Variants in PPARGC1A observed in about 807,000 individuals in gnomAD.
PPARGC1A encodes peroxisome proliferator-activated receptor gamma coactivator 1-alpha.
A neutral mutation model predicts 88.7 loss-of-function variants in PPARGC1A; 25 were observed. That is an observed-to-expected ratio of 0.28 (90% CI 0.21 to 0.39). PPARGC1A has a LOEUF of 0.39. PPARGC1A is among the 10% of genes least tolerant of loss of function. The pLI, the probability that PPARGC1A is intolerant of heterozygous loss-of-function variation, is 1.00. For synonymous variants in PPARGC1A, 363 were observed against 355.6 expected (o/e 1.02, Z -0.24); for missense variants, 880 against 968.7 (o/e 0.91, Z 1.22).
the PPARGC1A span, among the ~76,000 whole-genome samples, chr4:24,052,144 C>A: frequency 1.3e-5 from 2 of 152,076 alleles, no homozygotes; most frequent in African/African-American, 4.8e-5. Flanking sequence ...ACCACTACTG[C>A]TATTATTGAA....
the PPARGC1A span, among the ~76,000 whole-genome samples, chr4:24,128,046 T>A: frequency 6.6e-6 from 1 of 152,136 alleles, no homozygotes; most frequent in Non-Finnish European, 1.5e-5. Flanking sequence ...GCACACCATA[T>A]GGGAATGACC....
At chr4:24,246,730 TCAC>T in the PPARGC1A span, among the ~76,000 whole-genome samples, 1 of 152,206 alleles carries the variant, frequency 6.6e-6, no homozygotes, top group Non-Finnish European at 1.5e-5. Flanking sequence ...TGACTAAAAG[TCAC>T]CACCACGTCA....
chr4:23,802,270 C>A lies in PPARGC1A; in HGVS notation c.2095G>T (p.Val699Phe). The change falls in exon 11 of 13, where the codon GTT (valine) becomes TTT (phenylalanine). Residue 699 changes from valine to phenylalanine, a missense_variant. Physicochemically the swap from Val to Phe is conservative, Grantham distance 50. Coordinates refer to ENST00000264867, the MANE Select transcript of PPARGC1A (RefSeq NM_013261.5). ...TRTELRDRFE[V>F]FGEIEECTVN... is the part of the protein sequence containing the mutation. ...GTGCACTCCTCAATTTCACCAAAAA[C>A]TTCAAAACGGTCCCTCAGTTCTGTC... The A allele has an allele frequency of 6.2e-7, 1 of 1,614,098 alleles. No individual in the cohort carries two copies. The highest frequency in any genetic ancestry group is 1.1e-5 in the South Asian group (1 of 91,076).
At chr4:24,063,335 C>T in the PPARGC1A span, among the ~76,000 whole-genome samples, 100 of 152,302 alleles carry the variant, frequency 6.6e-4, 2 homozygotes, top group African/African-American at 2.0e-3. Context: ...GACCGCTTTT[C>T]TTGCCTTTCT....
At chr4:24,472,576 TAAAAG>T in the PPARGC1A span, among the ~76,000 whole-genome samples, 2 of 149,608 alleles carry the variant, frequency 1.3e-5, no homozygotes, top group African/African-American at 2.5e-5. This position sits in a 1 kb window ranked among gnomAD's most constrained non-coding sequence, Gnocchi z 4.5. Flanking sequence ...CTCTCGAAAA[TAAAAG>T]AAAAGGAGGG....
intron 2 of PPARGC1A, chr4:23,884,036 T>C (rs922285046): frequency 3.7e-4 from 56 of 152,158 alleles, no homozygotes; most frequent in African/African-American, 1.3e-3. Context: ...TAAAAAATAA[T>C]GTATTTCAAG....
At chr4:23,844,623 T>C (rs1727770248) in intron 2 of PPARGC1A, among the ~76,000 whole-genome samples, 1 of 65,850 alleles carries the variant, frequency 1.5e-5, no homozygotes. Context: ...TATATTATAT[T>C]AATATATAAT....
intron 2 of PPARGC1A, among the ~76,000 whole-genome samples, chr4:23,855,473 G>T (rs1365557718): frequency 1.3e-5 from 2 of 152,160 alleles, no homozygotes; most frequent in East Asian, 3.8e-4. Flanking sequence ...ACGCTCTCTT[G>T]GGACAAGCAA....
At chr4:24,349,668 C>G in the PPARGC1A span, among the ~76,000 whole-genome samples, 1 of 152,172 alleles carries the variant, frequency 6.6e-6, no homozygotes, top group African/African-American at 2.4e-5. Context: ...CCAACAGCCC[C>G]AAGTCTGTTT....
At chr4:23,986,480 A>G in the PPARGC1A span, among the ~76,000 whole-genome samples, 1 of 152,152 alleles carries the variant, frequency 6.6e-6, no homozygotes, top group Non-Finnish European at 1.5e-5. Flanking sequence ...CAGCTTACGC[A>G]GTCAGCACTC....
chr4:23,801,907 A>G, intron 11 of PPARGC1A, 26 bp from the exon 12 acceptor site: 1 of 1,613,120 alleles, frequency 6.2e-7, no homozygotes, highest in South Asian at 1.1e-5. Context: ...AAAAGTTCAA[A>G]GCTGGTTAAG....
chr4:24,073,079 G>A, the PPARGC1A span, among the ~76,000 whole-genome samples: 1 of 152,056 alleles, frequency 6.6e-6, no homozygotes, highest in Non-Finnish European at 1.5e-5. Flanking sequence ...GTCTTGCTCT[G>A]TCACCAGGCT....
the PPARGC1A span, among the ~76,000 whole-genome samples, chr4:24,464,644 G>A: frequency 6.6e-6 from 1 of 152,276 alleles, no homozygotes; most frequent in South Asian, 2.1e-4. Context: ...CGTTCACTGG[G>A]CTTTTAGCTA....
the PPARGC1A span, among the ~76,000 whole-genome samples, chr4:24,085,248 ATCCATATT>A: frequency 6.6e-6 from 1 of 152,148 alleles, no homozygotes; most frequent in Non-Finnish European, 1.5e-5. Flanking sequence ...ACAAATCTAT[ATCCATATT>A]TGGTACATTT....
chr4:23,976,512 G>T, the PPARGC1A span, among the ~76,000 whole-genome samples: 1 of 152,172 alleles, frequency 6.6e-6, no homozygotes, highest in East Asian at 1.9e-4. Context: ...CTTTCCAGCA[G>T]CTGTTTTGGA....
the PPARGC1A span, among the ~76,000 whole-genome samples, chr4:24,005,547 G>A: frequency 6.6e-6 from 1 of 152,044 alleles, no homozygotes; most frequent in South Asian, 2.1e-4. Context: ...TACTTCTCTG[G>A]CTCCAAGATC....
chr4:24,306,178 A>G, the PPARGC1A span, among the ~76,000 whole-genome samples: 1 of 152,230 alleles, frequency 6.6e-6, no homozygotes, highest in Non-Finnish European at 1.5e-5. Flanking sequence ...AGACTTACCC[A>G]GAGTCATCCA....
At chr4:24,405,060 C>A in the PPARGC1A span, among the ~76,000 whole-genome samples, 41 of 152,242 alleles carry the variant, frequency 2.7e-4, no homozygotes, top group African/African-American at 8.4e-4. Flanking sequence ...TAATTTCATA[C>A]AATTTTTGCA....
the PPARGC1A span, among the ~76,000 whole-genome samples, chr4:23,946,757 A>C: frequency 2.6e-5 from 4 of 151,864 alleles, no homozygotes; most frequent in African/African-American, 9.7e-5. Flanking sequence ...TCAAGTCTGA[A>C]AGTAGTTTTC....
Sources: allele counts gnomAD v4.1 joint callset (sites outside exome capture counted in the v4.1 genomes callset), GRCh38; gene constraint gnomAD v4.1.1; non-coding constraint Gnocchi (gnomAD v3.1); transcripts MANE v1.5; gene names NCBI Gene and HGNC (gene_info 2026-07-23, HGNC 2026-07-21).